Variants in ARFGEF1 observed in about 807,000 individuals in gnomAD.
ARFGEF1 encodes brefeldin A-inhibited guanine nucleotide-exchange protein 1.
A neutral mutation model predicts 231.0 loss-of-function variants in ARFGEF1; 42 were observed. That is an observed-to-expected ratio of 0.18 (90% CI 0.14 to 0.24). The LOEUF (loss-of-function observed/expected upper bound fraction) is 0.24. Ranked by LOEUF, ARFGEF1 falls within the 10% of genes least tolerant of loss-of-function variation. The probability of loss-of-function intolerance (pLI) is 1.00; values close to 1 mark genes in which losing one functional copy is unlikely to be tolerated. For synonymous variants in ARFGEF1, 710 were observed against 732.3 expected (o/e 0.97, Z 0.49); for missense variants, 1,345 against 2,192.0 (o/e 0.61, Z 7.72).
At chr8:67,262,240 C>G (rs571668845) in intron 14 of ARFGEF1, among the ~76,000 whole-genome samples, 1 of 152,222 alleles carries the variant, frequency 6.6e-6, no homozygotes, top group South Asian at 2.1e-4. Flanking sequence ...CCCTTATGGA[C>G]GATTTTCAGG....
intron 6 of ARFGEF1, among the ~76,000 whole-genome samples, chr8:67,289,431 A>G (rs889865469): frequency 2.4e-4 from 37 of 151,536 alleles, no homozygotes; most frequent in African/African-American, 8.9e-4. Context: ...ACACCTGCCT[A>G]TAGTCTTAGT....
At chr8:67,333,181 C>T (rs533299629) in intron 1 of ARFGEF1, among the ~76,000 whole-genome samples, 4 of 152,024 alleles carry the variant, frequency 2.6e-5, no homozygotes, top group South Asian at 2.1e-4. Context: ...ACTACAGGCA[C>T]GCACCACCAC....
At chr8:67,191,009 T>A (rs558372763) in intron 5 of ARFGEF1, among the ~76,000 whole-genome samples, 1 of 152,312 alleles carries the variant, frequency 6.6e-6, no homozygotes, top group Admixed American at 6.5e-5. Context: ...ATCCCAACCT[T>A]CCTTCTTCTC....
intron 5 of ARFGEF1, among the ~76,000 whole-genome samples, chr8:67,294,413 G>T (rs1231925629): frequency 6.6e-6 from 1 of 152,052 alleles, no homozygotes; most frequent in Non-Finnish European, 1.5e-5. Context: ...GGGAAGAAAG[G>T]AACTAATCTA....
downstream of ARFGEF1, among the ~76,000 whole-genome samples, chr8:67,194,760 TAA>T (rs936214709): frequency 6.6e-6 from 1 of 150,750 alleles, no homozygotes; most frequent in African/African-American, 2.4e-5. Context: ...TAATAATAAA[TAA>T]AAGTAAAATA....
At position 67,218,191 on chromosome 8, in the gene ARFGEF1, TAAA is replaced by T. The variant is rs10719102; in HGVS notation, c.4339-56_4339-54del. 1.9e-3 allele frequency: 292 copies of T among 153,646 alleles called. 5 individuals are homozygous for T. The highest frequency in any genetic ancestry group is 6.6e-3 in the Middle Eastern group (2 of 302). The allele number at this position is 153,646 out of a possible 1,614,324, so 9.5% of individuals were successfully genotyped here. A position where few individuals can be genotyped will look rare whatever the true frequency, so the allele number is the denominator to read the frequency against. On this transcript the variant is annotated intron_variant, in intron 30 of 38. Coordinates refer to ENST00000262215, the MANE Select transcript of ARFGEF1 (RefSeq NM_006421.5). ...CACGCCATTAATCAACTACTATGAT[TAAA>T]AAAAAAAAAAAAAATATATATATAT... is the stretch of plus-strand genomic sequence containing the variant.
chr8:67,226,715 G>A (rs989668552), intron 27 of ARFGEF1, among the ~76,000 whole-genome samples: 1 of 151,874 alleles, frequency 6.6e-6, no homozygotes, highest in African/African-American at 2.4e-5. Flanking sequence ...TGAACTTAAG[G>A]GGACTCCTCC....
chr8:67,192,804 G>T (rs1227926866), downstream of ARFGEF1, among the ~76,000 whole-genome samples: 2 of 152,126 alleles, frequency 1.3e-5, no homozygotes, highest in African/African-American at 2.4e-5. Context: ...GTCCATAAAC[G>T]TAAGGATTTA....
chr8:67,195,326 ATGTCTCCTGCCTGCCACCTG>A, downstream of ARFGEF1: 1 of 1,083,632 alleles, frequency 9.2e-7, no homozygotes, highest in South Asian at 1.2e-5. Context: ...ACCTGCGCTT[ATGTCTCCTGCCTGCCACCTG>A]TGTTACCTGA....
chr8:67,296,869 G>C (rs1454584350), intron 4 of ARFGEF1, among the ~76,000 whole-genome samples: 1 of 151,872 alleles, frequency 6.6e-6, no homozygotes. Context: ...GCCCAGACTG[G>C]TCTCACTCCT....
intron 35 of ARFGEF1, among the ~76,000 whole-genome samples, chr8:67,204,034 T>C (rs1397577749): frequency 1.3e-5 from 2 of 152,168 alleles, no homozygotes; most frequent in African/African-American, 4.8e-5. Context: ...TGGAAAGCTC[T>C]TACCAGTGAA....
intron 5 of ARFGEF1, among the ~76,000 whole-genome samples, chr8:67,188,835 T>C (rs1835405536): frequency 6.6e-6 from 1 of 152,222 alleles, no homozygotes; most frequent in African/African-American, 2.4e-5. Flanking sequence ...CTAATCGAGC[T>C]GAACACTAGT....
intron 1 of ARFGEF1, among the ~76,000 whole-genome samples, chr8:67,335,243 C>A (rs1330991596): frequency 6.6e-6 from 1 of 151,022 alleles, no homozygotes; most frequent in East Asian, 1.9e-4. Context: ...GTAGCTAGGA[C>A]TACAGGCGCC....
intron 19 of ARFGEF1, among the ~76,000 whole-genome samples, chr8:67,249,870 C>T (rs1380371030): frequency 6.6e-6 from 1 of 152,204 alleles, no homozygotes; most frequent in African/African-American, 2.4e-5. Context: ...AATCCACCCA[C>T]CTCGGCCTCC....
rs534723031 is a variant in ARFGEF1 at position 67,273,508 on chromosome 8, T to G, written c.1338-1572A>C. 3.3e-5 allele frequency among the ~76,000 whole-genome samples: 5 copies of G among 151,500 alleles called. No individual in the cohort carries two copies. In the East Asian group the frequency reaches 9.7e-4, roughly 29 times the overall value. On this transcript the variant is annotated intron_variant, in intron 9 of 38. Transcript: ENST00000262215. ...ATAGTAAACTTAATTGCCCTTGATT[T>G]CCACCTGAAAAATTTTATGGTTATA...
chr8:67,241,871 C>T (rs915377429), intron 19 of ARFGEF1, among the ~76,000 whole-genome samples: 20 of 152,080 alleles, frequency 1.3e-4, no homozygotes, highest in Non-Finnish European at 1.2e-4. Flanking sequence ...CATCAGCGGC[C>T]CTATGCTGCA....
chr8:67,288,244 TATTTTCC>T (rs1158235333), intron 6 of ARFGEF1, among the ~76,000 whole-genome samples, 179 bp from the exon 7 acceptor site: 1 of 149,986 alleles, frequency 6.7e-6, no homozygotes, highest in Non-Finnish European at 1.5e-5. Context: ...AAAACTTAAA[TATTTTCC>T]AAATTCAAGT....
At chr8:67,200,370 G>T (rs1838285222) in intron 38 of ARFGEF1, 26 bp downstream of exon 38, 2 of 1,470,514 alleles carry the variant, frequency 1.4e-6, no homozygotes, top group African/African-American at 1.4e-5. Flanking sequence ...AGAAATGTGG[G>T]GCTGGATTCG....
intron 22 of ARFGEF1, among the ~76,000 whole-genome samples, chr8:67,235,553 G>A (rs1161587830): frequency 6.6e-6 from 1 of 152,134 alleles, no homozygotes; most frequent in Admixed American, 6.5e-5. Context: ...TGCAGTCCAG[G>A]TGCCATGGCT....
Sources: allele counts gnomAD v4.1 joint callset (sites outside exome capture counted in the v4.1 genomes callset), GRCh38; gene constraint gnomAD v4.1.1; transcripts MANE v1.5; gene names NCBI Gene and HGNC (gene_info 2026-07-23, HGNC 2026-07-21).